ARMC2: variants seen among roughly 807,000 people sequenced by gnomAD.
ARMC2 encodes armadillo repeat-containing protein 2.
In ARMC2, 67 loss-of-function variants were observed where a neutral mutation model predicts 90.3. That is an observed-to-expected ratio of 0.74 (90% CI 0.61 to 0.91). The LOEUF is 0.91. Ranked by LOEUF, ARMC2 falls within the 40% of genes least tolerant of loss-of-function variation. ARMC2 has a pLI of 0.00. For missense variants in ARMC2, 920 were observed against 1,030.9 expected, an observed-to-expected ratio of 0.89 and a Z score of 1.47; for synonymous variants, 393 against 393.0, an observed-to-expected ratio of 1.00 and a Z score of 0.00.
At position 108,968,405 on chromosome 6, in the gene ARMC2, G is replaced by A. The variant is rs138212509; in HGVS notation, c.2446+3265G>A. Reference sequence around the variant, plus strand: ...ACTGCACCTTGTGCAGGGGGACTGTGGCATGGATAACAGCAAATAAACACA... The same window carrying A: ...ACTGCACCTTGTGCAGGGGGACTGTAGCATGGATAACAGCAAATAAACACA... On this transcript the variant is annotated intron_variant, in intron 17 of 17. Transcript: ENST00000392644. 8.9e-3 allele frequency among the ~76,000 whole-genome samples: 1,357 copies of A among 152,310 alleles called. 10 individuals are homozygous for A. Among genetic ancestry groups the A allele is most frequent in the Non-Finnish European group, 0.014 (980 of 68,034 alleles).
the ARMC2 span, chr6:108,998,538 G>A: frequency 1.2e-3 from 2,014 of 1,613,740 alleles, 4 homozygotes; most frequent in Non-Finnish European, 1.5e-3. Context: ...TGAGTTGACC[G>A]GCATCTCATC....
the ARMC2 span, among the ~76,000 whole-genome samples, chr6:109,037,781 G>A: frequency 1.1e-4 from 17 of 151,232 alleles, no homozygotes; most frequent in Non-Finnish European, 1.9e-4. Flanking sequence ...TTTCAGAAGC[G>A]CTATTATAAA....
chr6:109,000,444 T>C, the ARMC2 span: 1 of 1,375,636 alleles, frequency 7.3e-7, no homozygotes. Flanking sequence ...AAAACTGCTC[T>C]AAAAAAGTCT....
chr6:108,937,958 C>G (rs569453279), intron 12 of ARMC2, among the ~76,000 whole-genome samples: 1 of 152,152 alleles, frequency 6.6e-6, no homozygotes, highest in Admixed American at 6.5e-5. Flanking sequence ...GGCCTCCCTC[C>G]CAAAGTGCTG....
the ARMC2 span, among the ~76,000 whole-genome samples, chr6:109,043,578 A>G: frequency 1.3e-5 from 2 of 152,178 alleles, no homozygotes; most frequent in African/African-American, 2.4e-5. Context: ...ATAGACCATC[A>G]GTGAACAACT....
chr6:108,992,110 A>AT, the ARMC2 span, among the ~76,000 whole-genome samples: 2 of 151,744 alleles, frequency 1.3e-5, no homozygotes, highest in East Asian at 3.9e-4. Flanking sequence ...CTTATTTATT[A>AT]TTTTTTGAGA....
At chr6:108,986,240 T>C in the ARMC2 span, among the ~76,000 whole-genome samples, 1 of 152,238 alleles carries the variant, frequency 6.6e-6, no homozygotes, top group African/African-American at 2.4e-5. Flanking sequence ...CATAGGGCCA[T>C]ACCAGTCATT....
At chr6:108,868,646 A>G (rs1213355050) in intron 3 of ARMC2, among the ~76,000 whole-genome samples, 178 bp from the exon 4 acceptor site, 1 of 152,222 alleles carries the variant, frequency 6.6e-6, no homozygotes, top group Non-Finnish European at 1.5e-5. Context: ...AAAGTGCTTT[A>G]TGTATACATA....
At chr6:108,877,267 G>A (rs1420041479) in intron 5 of ARMC2, among the ~76,000 whole-genome samples, 3 of 152,176 alleles carry the variant, frequency 2.0e-5, no homozygotes, top group Non-Finnish European at 4.4e-5. Context: ...TAGATTTCGG[G>A]TCTGACTTTG....
At chr6:109,022,821 C>T in the ARMC2 span, among the ~76,000 whole-genome samples, 1 of 152,052 alleles carries the variant, frequency 6.6e-6, no homozygotes, top group African/African-American at 2.4e-5. Flanking sequence ...AGTATTTAAC[C>T]CAAGGCCACA....
chr6:108,861,468 A>G lies in ARMC2; in HGVS notation c.291+3197A>G, dbSNP rs145017841. ...ATAGCTCAGAAAATTAACATTACTC[A>G]GTAATATCATTTAATGTATAGTCCA... On this transcript the variant is annotated intron_variant, in intron 3 of 17. Transcript: ENST00000392644. Among the ~76,000 whole-genome samples the G allele has an allele frequency of 8.7e-4, 133 of 152,360 alleles. 1 individual carries two copies. Among genetic ancestry groups the G allele is most frequent in the African/African-American group, 3.0e-3 (125 of 41,578 alleles).
At chr6:108,977,731 G>T (rs1225373808), downstream of ARMC2, among the ~76,000 whole-genome samples, 3 of 152,182 alleles carry the variant, frequency 2.0e-5, no homozygotes, top group African/African-American at 7.2e-5. Flanking sequence ...CCTTGGGAAG[G>T]TGTATGTGTC....
At chr6:108,964,018 C>T (rs573992583) in intron 15 of ARMC2, among the ~76,000 whole-genome samples, 162 bp from the exon 16 acceptor site, 1 of 152,192 alleles carries the variant, frequency 6.6e-6, no homozygotes, top group Non-Finnish European at 1.5e-5. Flanking sequence ...GGGGAACCCA[C>T]TGCTGTGTGA....
the ARMC2 span, among the ~76,000 whole-genome samples, chr6:108,989,620 TAGAG>T: frequency 1.4e-5 from 2 of 145,050 alleles, no homozygotes; most frequent in Non-Finnish European, 3.0e-5. Flanking sequence ...TCTCTCTATA[TAGAG>T]AAATTTACTT....
rs1778933650 is a variant in ARMC2, at chr6:108,974,263, A to C, written c.*749A>C. 6.6e-6 allele frequency: 1 copy of C among 152,200 alleles called. No homozygotes were observed. The highest frequency in any genetic ancestry group is 2.4e-5 in the African/African-American group (1 of 41,448). The allele number at this position is 152,200 out of a possible 1,614,324, so 9.4% of individuals were successfully genotyped here. On this transcript the variant is annotated 3_prime_UTR_variant, in exon 18 of 18. Transcript: ENST00000392644. The stretch of plus-strand genomic sequence containing the variant: ...CTGCTAGCTTTGTGGGCCTGGAGCA[A>C]GTAACTTAATTTCTTGAGCTGCAAC...
intron 13 of ARMC2, among the ~76,000 whole-genome samples, chr6:108,960,309 C>T (rs955800301): frequency 2.6e-5 from 4 of 152,224 alleles, no homozygotes; most frequent in Non-Finnish European, 5.9e-5. Context: ...CCCGTGTCCA[C>T]GCTATGCTGA....
chr6:108,998,476 T>A, the ARMC2 span: 1 of 1,608,812 alleles, frequency 6.2e-7, no homozygotes, highest in South Asian at 1.1e-5. Context: ...ATTATTGTGA[T>A]TAGTTTTATG....
the ARMC2 span, among the ~76,000 whole-genome samples, chr6:109,002,633 C>A: frequency 6.6e-6 from 1 of 152,200 alleles, no homozygotes; most frequent in Middle Eastern, 3.2e-3. Flanking sequence ...TAGCAGCCAA[C>A]CCTGTGGATC....
intron 6 of ARMC2, among the ~76,000 whole-genome samples, chr6:108,896,187 A>G (rs1262476654): frequency 6.6e-6 from 1 of 152,170 alleles, no homozygotes; most frequent in East Asian, 1.9e-4. Flanking sequence ...AGCCAATCCA[A>G]ACATTGTGTC....
Sources: gnomAD v4.1 joint callset for allele counts (sites outside exome capture counted in the v4.1 genomes callset) on GRCh38, gnomAD v4.1.1 for gene constraint, MANE v1.5 for transcripts, NCBI Gene and HGNC (gene_info 2026-07-23, HGNC 2026-07-21) for gene names.